FADS2: variants seen among roughly 807,000 people sequenced by gnomAD.
FADS2 encodes the protein fatty acid desaturase 2.
A neutral mutation model predicts 61.2 loss-of-function variants in FADS2; 18 were observed. The observed-to-expected ratio is 0.29, with a 90% CI of 0.20 to 0.44. The LOEUF is 0.44. Among genes scored for constraint, FADS2 ranks in the 20% least tolerant of loss-of-function variants. The pLI is 1.00. For synonymous variants in FADS2, 203 were observed against 223.9 expected, an observed-to-expected ratio of 0.91 and a Z score of 0.83; for missense variants, 322 against 572.7, an observed-to-expected ratio of 0.56 and a Z score of 4.47.
chr11:61,825,960 C>A, upstream of FADS2: 1 of 656,378 alleles, frequency 1.5e-6, no homozygotes, highest in Non-Finnish European at 2.8e-6. Context: ...CTAAAGTTCT[C>A]TCTTAATTCA....
intron 4 of FADS2, among the ~76,000 whole-genome samples, chr11:61,844,441 C>T (rs117702910): frequency 2.6e-5 from 4 of 151,998 alleles, no homozygotes; most frequent in South Asian, 2.1e-4. Flanking sequence ...CGAGGGTGCT[C>T]GGGAGGCTAA....
chr11:61,816,388 C>T lies in FADS2; in HGVS notation c.103C>T (p.His35Tyr). The T allele has an allele frequency of 1.3e-6, 2 of 1,598,528 alleles. No individual in the cohort carries two copies. The highest frequency in any genetic ancestry group is 2.2e-5 in the East Asian group (1 of 44,880). ...TCTCCAGGCCTCTCTCCCGCCTTTT[C>T]ATCCCGCATCCGCAGGACACCCAAT... The change falls in exon 1 of 12, where the codon CAT (histidine) becomes TAT (tyrosine). Residue 35 changes from histidine (H) to tyrosine (Y), a missense_variant. Transcript: ENST00000257261. This position sits in a 1 kb window ranked among gnomAD's most constrained non-coding sequence, Gnocchi z 7.0.
At chr11:61,863,867 T>C in intron 10 of FADS2, 81 bp downstream of exon 10, 2 of 1,098,848 alleles carry the variant, frequency 1.8e-6, no homozygotes, top group Admixed American at 1.7e-5. Flanking sequence ...GAATGCAGAA[T>C]GTGGGGGCCA....
rs1200277286 is a variant in FADS2 at position 61,828,349 on chromosome 11, G to A, written c.-42G>A. The stretch of plus-strand genomic sequence containing the variant: ...CGTCTGTGCAGCGAGCAGCCGGCGC[G>A]GGGAGGCCGCAGTGCACGGGGCGTC... On this transcript the variant is annotated 5_prime_UTR_variant, in exon 1 of 12. Transcript: ENST00000278840. The surrounding 1 kb of genome is among the most constrained non-coding windows in gnomAD (Gnocchi z 6.4). 4.5e-6 allele frequency: 7 copies of A among 1,543,826 alleles called. No individual in the cohort carries two copies. Among genetic ancestry groups the A allele is most frequent in the African/African-American group, 1.4e-5 (1 of 72,928 alleles).
At chr11:61,852,462 T>A (rs970817463) in intron 5 of FADS2, among the ~76,000 whole-genome samples, 1 of 152,134 alleles carries the variant, frequency 6.6e-6, no homozygotes, top group African/African-American at 2.4e-5. Context: ...GGTTTCACCA[T>A]GTTGGCCAGG....
chr11:61,865,207 T>A lies in FADS2; in HGVS notation c.1213T>A (p.Ser405Thr), dbSNP rs1396640591. 1 of 1,613,656 alleles carries A rather than the reference T, an allele frequency of 6.2e-7. No individual in the cohort carries two copies. The highest frequency in any genetic ancestry group is 2.2e-5 in the East Asian group (1 of 44,872). Residue 405 changes from serine to threonine, a missense_variant, in exon 11 of 12, where the codon TCT (serine) becomes ACT (threonine). Ser to Thr is a moderately conservative substitution (Grantham distance 58). Coordinates refer to ENST00000278840, the MANE Select transcript of FADS2 (RefSeq NM_004265.4). This position sits in a 1 kb window ranked among gnomAD's most constrained non-coding sequence, Gnocchi z 4.1. ...NLHKIAPLVK[S>T]LCAKHGIEYQ... ...ACACAAGATCGCCCCGCTGGTGAAG[T>A]CTCTATGTGCCAAGCATGGCATTGA... is the stretch of plus-strand genomic sequence containing the variant.
chr11:61,819,191 T>C (rs1264012191), intron 1 of FADS2, among the ~76,000 whole-genome samples: 3 of 152,150 alleles, frequency 2.0e-5, no homozygotes, highest in Non-Finnish European at 4.4e-5. Context: ...AGGAATGTTT[T>C]GAATACTGAA....
At chr11:61,837,996 G>T (rs936919686) in intron 2 of FADS2, 108 bp downstream of exon 2, 39 of 778,526 alleles carry the variant, frequency 5.0e-5, no homozygotes, top group Non-Finnish European at 8.0e-5. Flanking sequence ...GCTGAGGCAG[G>T]GGTGCTTTTG....
intron 4 of FADS2, among the ~76,000 whole-genome samples, chr11:61,844,517 C>G (rs990799639): frequency 1.3e-5 from 2 of 151,828 alleles, no homozygotes; most frequent in African/African-American, 4.8e-5. Context: ...CCACAGCCCT[C>G]CAGCCTGGGT....
chr11:61,860,543 G>A (rs796133327), intron 7 of FADS2, among the ~76,000 whole-genome samples: 6 of 152,166 alleles, frequency 3.9e-5, no homozygotes, highest in South Asian at 2.1e-4. Flanking sequence ...CCCTCGCTCC[G>A]CCTCTTTGGC....
chr11:61,842,553 C>T (rs1457164998), intron 4 of FADS2, among the ~76,000 whole-genome samples: 3 of 151,914 alleles, frequency 2.0e-5, no homozygotes, highest in African/African-American at 2.4e-5. Context: ...ACGGCTGTTG[C>T]GTCAGGCGGG....
chr11:61,864,914 A>G (rs1488411579), intron 10 of FADS2, among the ~76,000 whole-genome samples: 1 of 152,010 alleles, frequency 6.6e-6, no homozygotes, highest in Non-Finnish European at 1.5e-5. Context: ...CTGGCCACCC[A>G]ATATCTTCCC....
Position 61,840,287 on chromosome 11 carries a change from C to T in FADS2, c.319-47C>T, listed in dbSNP as rs200775578. The T allele has an allele frequency of 1.3e-4, 191 of 1,488,072 alleles. No individual in the cohort carries two copies. The African/African-American group carries it at 2.3e-3, about 18-fold the overall frequency. 92.2% of individuals were successfully genotyped at this position (1,488,072 alleles called of 1,614,324 possible). A position where few individuals can be genotyped will look rare whatever the true frequency, so the allele number is the denominator to read the frequency against. ...GGCAGCTCGAGACATATGTTCCCTC[C>T]AGAGTGGCTGGTGGCTGACTCCTTT... On this transcript the variant is annotated intron_variant, in intron 2 of 11. Coordinates refer to ENST00000278840, the MANE Select transcript of FADS2 (RefSeq NM_004265.4).
At position 61,828,926 on chromosome 11, in the gene FADS2, A is replaced by G. The variant is rs1426649333; in HGVS notation, c.207+329A>G. Among the ~76,000 whole-genome samples, 1 of 152,218 alleles carries G rather than the reference A, an allele frequency of 6.6e-6. No individual in the cohort carries two copies. The highest frequency in any genetic ancestry group is 1.5e-5 in the Non-Finnish European group (1 of 68,028). ...TTTGTCTGGAGGCAGGGACTCCCCA[A>G]GAGGGGCGCTCGGGCCAGACGGCTT... On this transcript the variant is annotated intron_variant, in intron 1 of 11. Transcript: ENST00000278840. This position sits in a 1 kb window ranked among gnomAD's most constrained non-coding sequence, Gnocchi z 6.4.
intron 5 of FADS2, among the ~76,000 whole-genome samples, chr11:61,851,305 G>T (rs759982506): frequency 6.6e-6 from 1 of 152,212 alleles, no homozygotes; most frequent in Non-Finnish European, 1.5e-5. Context: ...TTTCTTGTGC[G>T]TGGTGGCCAG....
At chr11:61,845,305 C>A (rs1382556934) in intron 4 of FADS2, among the ~76,000 whole-genome samples, 2 of 152,132 alleles carry the variant, frequency 1.3e-5, no homozygotes, top group African/African-American at 4.8e-5. Flanking sequence ...CCCTCCCTCG[C>A]AGCTCCGTGA....
At position 61,835,397 on chromosome 11, in the gene FADS2, C is replaced by CTT. The variant is rs529744700; in HGVS notation, c.208-2367_208-2366dup. Among the ~76,000 whole-genome samples, 257 of 139,388 alleles carry CTT rather than the reference C, an allele frequency of 1.8e-3. 1 individual carries two copies. Among genetic ancestry groups the CTT allele is most frequent in the East Asian group, 8.6e-3 (41 of 4,760 alleles). The allele number at this position is 139,388 out of a possible 152,430, so 91.4% of individuals were successfully genotyped here. ...GCACTTTCTCCACCTTCCCCCGACC[C>CTT]TTTTTTTTTTTTTTTGAGATGGAGT... On this transcript the variant is annotated intron_variant, in intron 1 of 11. Coordinates refer to ENST00000278840, the MANE Select transcript of FADS2 (RefSeq NM_004265.4).
chr11:61,863,180 G>A (rs904725199), intron 8 of FADS2, 102 bp from the exon 9 acceptor site: 10 of 1,433,830 alleles, frequency 7.0e-6, no homozygotes, highest in East Asian at 4.5e-5. Context: ...TCCCATCCTG[G>A]CCCCTTGGCA....
chr11:61,844,948 A>C (rs2067245289), intron 4 of FADS2, among the ~76,000 whole-genome samples: 1 of 151,322 alleles, frequency 6.6e-6, no homozygotes, highest in Non-Finnish European at 1.5e-5. Context: ...AAAAAAGAAA[A>C]AAGAAAGAAA....
Sources: allele counts gnomAD v4.1 joint callset (sites outside exome capture counted in the v4.1 genomes callset), GRCh38; gene constraint gnomAD v4.1.1; non-coding constraint Gnocchi (gnomAD v3.1); transcripts MANE v1.5; gene names NCBI Gene and HGNC (gene_info 2026-07-23, HGNC 2026-07-21).